DMGDH: variants seen among roughly 807,000 people sequenced by gnomAD.
DMGDH encodes dimethylglycine dehydrogenase, mitochondrial.
Under a neutral mutation model 95.2 loss-of-function variants are expected in DMGDH, and 76 were observed. That is an observed-to-expected ratio of 0.80 (90% CI 0.66 to 0.97). The LOEUF (loss-of-function observed/expected upper bound fraction) is 0.97, where lower values mean the gene tolerates loss of function less well. Among genes scored for constraint, DMGDH ranks in the 50% least tolerant of loss-of-function variants. The pLI is 0.00. For missense variants in DMGDH, 987 were observed against 1,055.0 expected, an observed-to-expected ratio of 0.94 and a Z score of 0.89; for synonymous variants, 345 against 377.6, an observed-to-expected ratio of 0.91 and a Z score of 1.00.
chr5:79,050,273 A>AAATATATATATAT (rs1554037270), intron 5 of DMGDH, among the ~76,000 whole-genome samples: 2 of 20,916 alleles, frequency 9.6e-5, no homozygotes, highest in Admixed American at 7.5e-4. Flanking sequence ...AAAAAAAAAA[A>AAATATATATATAT]ATATATATAT....
intron 7 of DMGDH, among the ~76,000 whole-genome samples, chr5:79,038,159 T>A (rs1042552652): frequency 2.0e-5 from 3 of 152,212 alleles, no homozygotes; most frequent in African/African-American, 7.2e-5. Context: ...CAGAAATTAC[T>A]ACAAAGCTAG....
At chr5:79,034,882 C>A (rs2112633326) in intron 7 of DMGDH, among the ~76,000 whole-genome samples, 2 of 151,510 alleles carry the variant, frequency 1.3e-5, no homozygotes, top group Admixed American at 6.6e-5. Flanking sequence ...ACGGTGAAAC[C>A]CCGTTTCTAC....
intron 7 of DMGDH, among the ~76,000 whole-genome samples, chr5:79,040,655 C>A (rs1409500217): frequency 6.6e-6 from 1 of 152,112 alleles, no homozygotes; most frequent in Non-Finnish European, 1.5e-5. Context: ...TGGACACCAT[C>A]AAGAAAGTAA....
intron 14 of DMGDH, chr5:79,021,373 A>C: frequency 1.7e-6 from 2 of 1,165,438 alleles, no homozygotes; most frequent in Non-Finnish European, 2.2e-6. Context: ...ATGGGTTAGC[A>C]AGGTGTCTAA....
At chr5:78,999,568 C>T (rs1269961956) in intron 15 of DMGDH, among the ~76,000 whole-genome samples, 6 of 151,652 alleles carry the variant, frequency 4.0e-5, no homozygotes, top group African/African-American at 9.7e-5. Flanking sequence ...CTCCTGACCT[C>T]GTGATCAGCC....
chr5:79,028,284 A>G (rs1355527435), intron 12 of DMGDH, 149 bp downstream of exon 12: 3 of 690,354 alleles, frequency 4.3e-6, no homozygotes, highest in Non-Finnish European at 2.4e-6. Flanking sequence ...ATCTTCCTCC[A>G]AAGTCGCATG....
intron 14 of DMGDH, among the ~76,000 whole-genome samples, chr5:79,019,435 A>G (rs1245320607): frequency 6.6e-6 from 1 of 151,082 alleles, no homozygotes; most frequent in Non-Finnish European, 1.5e-5. Flanking sequence ...GAACTAAAAC[A>G]GTGGTTCTCA....
intron 4 of DMGDH, 116 bp from the exon 5 acceptor site, chr5:79,051,607 T>C: frequency 1.0e-6 from 1 of 994,258 alleles, no homozygotes; most frequent in Non-Finnish European, 1.5e-6. Context: ...TTTCTTGATC[T>C]GGAAAGTGAC....
At position 79,051,223 on chromosome 5, in the gene DMGDH, C is replaced by T. The variant is rs779780389; in HGVS notation, c.745+64G>A. On this transcript the variant is annotated intron_variant, in intron 5 of 15. Transcript: ENST00000255189. ...ACAATGTCCATCGTACGAAACATTA[C>T]GGCTAAATATCTTCTTTCTTTGGCA... The T allele has an allele frequency of 3.6e-4, 547 of 1,516,834 alleles. 2 individuals carry two copies. The Middle Eastern group carries it at 8.0e-3, about 22-fold the overall frequency. 94.0% of individuals were successfully genotyped at this position (1,516,834 alleles called of 1,614,324 possible).
chr5:79,043,730 C>T (rs1754586728), intron 6 of DMGDH, among the ~76,000 whole-genome samples: 1 of 152,176 alleles, frequency 6.6e-6, no homozygotes, highest in Non-Finnish European at 1.5e-5. Flanking sequence ...AAAGCAAAAA[C>T]AGAACCATCT....
At chr5:79,045,089 G>C (rs987690346) in intron 5 of DMGDH, among the ~76,000 whole-genome samples, 6 of 152,170 alleles carry the variant, frequency 3.9e-5, no homozygotes, top group Admixed American at 6.5e-5. Flanking sequence ...GTACAAGATT[G>C]TTCTGTTAAG....
At chr5:79,052,341 A>T (rs1438226751) in intron 4 of DMGDH, among the ~76,000 whole-genome samples, 1 of 151,996 alleles carries the variant, frequency 6.6e-6, no homozygotes, top group Non-Finnish European at 1.5e-5. Context: ...AGAGGCATTC[A>T]CTCTTCTATT....
At chr5:79,020,875 G>A (rs1753848584) in intron 14 of DMGDH, 8 of 985,242 alleles carry the variant, frequency 8.1e-6, no homozygotes, top group Middle Eastern at 5.2e-4. Context: ...CTTCGTGGAG[G>A]TTCTCCAGAA....
intron 5 of DMGDH, among the ~76,000 whole-genome samples, chr5:79,049,651 T>C (rs1754778522): frequency 6.6e-6 from 1 of 152,236 alleles, no homozygotes; most frequent in Admixed American, 6.5e-5. Flanking sequence ...ATTATTTCAT[T>C]GCCCTAAGTT....
At chr5:78,998,321 C>T in intron 15 of DMGDH, 24 bp from the exon 16 acceptor site, 1 of 1,600,486 alleles carries the variant, frequency 6.2e-7, no homozygotes, top group South Asian at 1.1e-5. Context: ...CCCAACAGTC[C>T]TCAGCATCTT....
intron 1 of DMGDH, among the ~76,000 whole-genome samples, chr5:79,065,122 A>G (rs1279433321): frequency 1.3e-5 from 2 of 152,070 alleles, no homozygotes; most frequent in Non-Finnish European, 2.9e-5. Flanking sequence ...CAGGATCATC[A>G]ATATCACTGT....
intron 2 of DMGDH, among the ~76,000 whole-genome samples, chr5:79,057,606 T>C (rs1415901386): frequency 6.6e-6 from 1 of 152,046 alleles, no homozygotes; most frequent in Non-Finnish European, 1.5e-5. Flanking sequence ...GGGATTCCAT[T>C]ACAATGCACC....
chr5:79,028,737 G>A, intron 11 of DMGDH, 87 bp from the exon 12 acceptor site: 3 of 1,431,010 alleles, frequency 2.1e-6, no homozygotes, highest in Non-Finnish European at 2.9e-6. Context: ...CATGCTTTGT[G>A]TCTAGAGTTA....
At chr5:79,045,869 C>T in intron 5 of DMGDH, among the ~76,000 whole-genome samples, 1 of 152,198 alleles carries the variant, frequency 6.6e-6, no homozygotes, top group East Asian at 1.9e-4. Flanking sequence ...ATGAGTCAGT[C>T]TGGGAACCTA....
Sources: gnomAD v4.1 joint callset for allele counts (sites outside exome capture counted in the v4.1 genomes callset) on GRCh38, gnomAD v4.1.1 for gene constraint, MANE v1.5 for transcripts, NCBI Gene and HGNC (gene_info 2026-07-23, HGNC 2026-07-21) for gene names.